The following SMYD3 variants were observed in gnomAD, a reference collection of about 807,000 sequenced individuals.
The protein encoded by SMYD3 is histone-lysine N-methyltransferase SMYD3.
Under a neutral mutation model 57.7 loss-of-function variants are expected in SMYD3, and 36 were observed. The observed-to-expected ratio is 0.62, with a 90% confidence interval of 0.48 to 0.82. The LOEUF (loss-of-function observed/expected upper bound fraction) is 0.82. Ranked by LOEUF, SMYD3 falls within the 40% of genes least tolerant of loss-of-function variation. The pLI, the probability that SMYD3 is intolerant of heterozygous loss-of-function variation, is 0.00. For missense variants in SMYD3, 515 were observed against 538.8 expected, an observed-to-expected ratio of 0.96 and a Z score of 0.44; for synonymous variants, 211 against 195.0, an observed-to-expected ratio of 1.08 and a Z score of -0.68.
chr1:246,226,184 C>A (rs942822711), intron 5 of SMYD3, among the ~76,000 whole-genome samples: 8 of 152,132 alleles, frequency 5.3e-5, no homozygotes, highest in Non-Finnish European at 1.2e-4. Context: ...ACTATGCTGA[C>A]AGAAGAAGAA....
chr1:246,061,224 C>T lies in SMYD3; in HGVS notation c.532-131287G>A, dbSNP rs555275016. Among the ~76,000 whole-genome samples, 11 of 151,932 alleles carry T rather than the reference C, an allele frequency of 7.2e-5. No individual in the cohort carries two copies. The South Asian group carries it at 1.7e-3, about 23-fold the overall frequency. ...GGTGACAGAGCAAGACTCCGTCACACGCACACACACAAAAAAGAAATGTCT... is the reference window on the plus strand; with the variant it reads ...GGTGACAGAGCAAGACTCCGTCACATGCACACACACAAAAAAGAAATGTCT... On this transcript the variant is annotated intron_variant, in intron 5 of 11. Transcript: ENST00000490107.
chr1:246,288,012 G>C (rs1232244121), intron 5 of SMYD3, among the ~76,000 whole-genome samples: 1 of 150,862 alleles, frequency 6.6e-6, no homozygotes, highest in East Asian at 2.0e-4. Flanking sequence ...GATTGGTCTG[G>C]GCTCAGGAAC....
At chr1:246,017,103 C>A (rs1310794515) in intron 5 of SMYD3, among the ~76,000 whole-genome samples, 3 of 152,180 alleles carry the variant, frequency 2.0e-5, no homozygotes, top group African/African-American at 7.2e-5. Flanking sequence ...CTGATACATA[C>A]TGTTGCCAAA....
chr1:245,879,429 G>C (rs187120904), intron 8 of SMYD3, among the ~76,000 whole-genome samples: 1 of 152,172 alleles, frequency 6.6e-6, no homozygotes, highest in Admixed American at 6.5e-5. Flanking sequence ...CGATGGAGAC[G>C]AAGAGTGTAA....
intron 5 of SMYD3, among the ~76,000 whole-genome samples, chr1:246,163,522 G>C: frequency 6.6e-6 from 1 of 152,102 alleles, no homozygotes; most frequent in East Asian, 1.9e-4. Context: ...TGCTAGACTT[G>C]GAACAGATCA....
chr1:245,972,674 G>C (rs760799873), intron 5 of SMYD3, among the ~76,000 whole-genome samples: 2 of 152,228 alleles, frequency 1.3e-5, no homozygotes, highest in African/African-American at 4.8e-5. Context: ...GAGTGGAAGT[G>C]AAAGAGTTGG....
chr1:245,944,561 C>T (rs961411273), intron 5 of SMYD3, among the ~76,000 whole-genome samples: 7 of 152,294 alleles, frequency 4.6e-5, no homozygotes, highest in Admixed American at 4.6e-4. Flanking sequence ...AATAGCCATA[C>T]TGCCCAAAGT....
chr1:246,446,896 G>GC (rs2067557832), intron 1 of SMYD3, among the ~76,000 whole-genome samples: 1 of 152,044 alleles, frequency 6.6e-6, no homozygotes, highest in East Asian at 1.9e-4. Flanking sequence ...AGTCATGCTA[G>GC]CACATGCCTG....
intron 5 of SMYD3, among the ~76,000 whole-genome samples, chr1:246,124,638 A>G (rs2061476959): frequency 6.6e-6 from 1 of 152,242 alleles, no homozygotes; most frequent in Admixed American, 6.5e-5. Context: ...AATGAGTAAA[A>G]GAGTGACTAC....
chr1:246,104,547 G>A (rs1405617423), intron 5 of SMYD3, among the ~76,000 whole-genome samples: 4 of 152,136 alleles, frequency 2.6e-5, no homozygotes, highest in African/African-American at 4.8e-5. Context: ...GGGTCTTGTC[G>A]AACTTGTGTA....
chr1:246,481,258 T>C (rs1279354408), intron 1 of SMYD3, among the ~76,000 whole-genome samples: 1 of 152,116 alleles, frequency 6.6e-6, no homozygotes, highest in Non-Finnish European at 1.5e-5. Flanking sequence ...GGCCACAAGA[T>C]GCCCAGATAT....
rs114911368 is a variant in SMYD3, at chr1:245,860,301, G to A, written c.902-1631C>T. 8.4e-4 allele frequency among the ~76,000 whole-genome samples: 128 copies of A among 152,232 alleles called. 1 individual carries two copies. The highest frequency in any genetic ancestry group is 2.7e-3 in the African/African-American group (114 of 41,524). The stretch of plus-strand genomic sequence containing the variant: ...CCCAGCCCTGAGCAGACAGCTCACT[G>A]TTTATGGTCCCCTCTCCCTCTCTGT... On this transcript the variant is annotated intron_variant, in intron 9 of 11. Transcript: ENST00000490107.
intron 7 of SMYD3, 64 bp downstream of exon 7, chr1:245,927,867 G>T (rs564530785): frequency 2.3e-6 from 3 of 1,317,712 alleles, no homozygotes; most frequent in Non-Finnish European, 3.2e-6. Flanking sequence ...TTTTAGGGAC[G>T]GGCCGAGCTG....
intron 5 of SMYD3, among the ~76,000 whole-genome samples, chr1:246,271,348 T>A (rs949944017): frequency 2.6e-5 from 4 of 152,212 alleles, no homozygotes; most frequent in African/African-American, 9.6e-5. Context: ...CCTGTTCCTT[T>A]GGTGTCATTC....
chr1:246,414,813 G>A (rs1478024044), intron 1 of SMYD3, among the ~76,000 whole-genome samples: 7 of 149,510 alleles, frequency 4.7e-5, no homozygotes, highest in Non-Finnish European at 1.0e-4. Context: ...TGCCTCCTGA[G>A]TTCAAGTGAT....
chr1:245,878,308 T>A (rs1328235662), intron 8 of SMYD3, among the ~76,000 whole-genome samples: 2 of 152,160 alleles, frequency 1.3e-5, no homozygotes, highest in Non-Finnish European at 1.5e-5. Flanking sequence ...GGCACGTTTA[T>A]GCCACAGGGA....
intron 1 of SMYD3, among the ~76,000 whole-genome samples, chr1:246,394,965 G>A (rs955339848): frequency 6.6e-5 from 10 of 150,548 alleles, no homozygotes; most frequent in Admixed American, 2.0e-4. Context: ...AAAGGCTCCC[G>A]AACTCAGCTA....
At chr1:245,930,552 A>G (rs964604210) in intron 5 of SMYD3, 4 of 166,856 alleles carry the variant, frequency 2.4e-5, no homozygotes, top group Non-Finnish European at 3.9e-5. Flanking sequence ...CAGAAGCAGT[A>G]AAAAACACAA....
intron 10 of SMYD3, among the ~76,000 whole-genome samples, chr1:245,806,916 CAAAAAAAAAAAAAAAA>C (rs112012738): frequency 9.7e-5 from 4 of 41,334 alleles, no homozygotes; most frequent in East Asian, 1.1e-3. Flanking sequence ...GACTCCGTCT[CAAAAAAAAAAAAAAAA>C]AAAAAAAAAA....
Sources: gnomAD v4.1 joint callset for allele counts (sites outside exome capture counted in the v4.1 genomes callset) on GRCh38, gnomAD v4.1.1 for gene constraint, MANE v1.5 for transcripts, NCBI Gene and HGNC (gene_info 2026-07-23, HGNC 2026-07-21) for gene names.